ADAMTSL1: variants seen among roughly 807,000 people sequenced by gnomAD.
ADAMTSL1 encodes the protein ADAMTS like 1.
In ADAMTSL1, 126 loss-of-function variants were observed where a neutral mutation model predicts 201.8. That is an observed-to-expected ratio of 0.62 (90% CI 0.54 to 0.72). The LOEUF (loss-of-function observed/expected upper bound fraction) is 0.72. Among genes scored for constraint, ADAMTSL1 ranks in the 30% least tolerant of loss-of-function variants. The pLI, the probability that ADAMTSL1 is intolerant of heterozygous loss-of-function variation, is 0.00. For missense variants in ADAMTSL1, 2,679 were observed against 2,277.8 expected (o/e 1.18, Z -3.59); for synonymous variants, 1,121 against 903.4 (o/e 1.24, Z -4.32).
chr9:18,352,106 G>A (rs960089791), intron 2 of ADAMTSL1, among the ~76,000 whole-genome samples: 3 of 151,904 alleles, frequency 2.0e-5, no homozygotes, highest in South Asian at 2.1e-4. Context: ...TAAAATAGAT[G>A]TATTCTTTGT....
chr9:18,117,034 C>G (rs1167196435), intron 1 of ADAMTSL1, among the ~76,000 whole-genome samples: 1 of 152,136 alleles, frequency 6.6e-6, no homozygotes, highest in Non-Finnish European at 1.5e-5. Context: ...TTTTCTCATA[C>G]ACCTCATCCA....
chr9:17,985,850 C>T (rs2131481376), intron 1 of ADAMTSL1, among the ~76,000 whole-genome samples: 1 of 152,204 alleles, frequency 6.6e-6, no homozygotes, highest in East Asian at 1.9e-4. Flanking sequence ...TAGGCACAAA[C>T]CTCCTCATTT....
intron 2 of ADAMTSL1, among the ~76,000 whole-genome samples, chr9:18,507,792 T>C (rs1319716712): frequency 6.6e-6 from 1 of 152,206 alleles, no homozygotes; most frequent in Non-Finnish European, 1.5e-5. Flanking sequence ...TGACAGCTTC[T>C]GTTGCAGAGA....
chr9:18,781,300 AAC>A (rs1821380658), intron 19 of ADAMTSL1, among the ~76,000 whole-genome samples: 1 of 152,204 alleles, frequency 6.6e-6, no homozygotes, highest in Admixed American at 6.5e-5. Flanking sequence ...GGCAGGAACA[AAC>A]AGTTTTTGCT....
intron 2 of ADAMTSL1, among the ~76,000 whole-genome samples, chr9:18,407,904 G>T (rs764645454): frequency 1.3e-5 from 2 of 152,144 alleles, no homozygotes; most frequent in Non-Finnish European, 2.9e-5. Flanking sequence ...AACCTTATGG[G>T]GATGTAACTA....
intron 17 of ADAMTSL1, among the ~76,000 whole-genome samples, chr9:18,772,836 A>G (rs1049318419): frequency 1.3e-5 from 2 of 152,182 alleles, no homozygotes; most frequent in African/African-American, 4.8e-5. Context: ...GTCTTCCTCA[A>G]GAGGAAGTTC....
intron 2 of ADAMTSL1, among the ~76,000 whole-genome samples, chr9:18,203,366 A>G (rs1036642135): frequency 1.4e-4 from 22 of 151,974 alleles, no homozygotes; most frequent in African/African-American, 5.3e-4. Flanking sequence ...AAAATGGAAA[A>G]GTTGATTTGA....
chr9:18,132,242 C>T (rs183209928), intron 1 of ADAMTSL1, among the ~76,000 whole-genome samples: 24 of 152,276 alleles, frequency 1.6e-4, no homozygotes, highest in Admixed American at 1.1e-3. Context: ...TCTTTTCCTT[C>T]ATCTCCTACA....
chr9:18,320,879 T>A (rs912630513), intron 2 of ADAMTSL1, among the ~76,000 whole-genome samples: 5 of 152,032 alleles, frequency 3.3e-5, no homozygotes, highest in African/African-American at 1.2e-4. Flanking sequence ...ATGGAGTATT[T>A]TTTAAAATGT....
At chr9:18,742,327 G>T (rs1284182231) in intron 15 of ADAMTSL1, among the ~76,000 whole-genome samples, 1 of 152,196 alleles carries the variant, frequency 6.6e-6, no homozygotes, top group Non-Finnish European at 1.5e-5. Flanking sequence ...TTTATAGCCT[G>T]ATTGGATGAA....
At chr9:18,652,466 A>G (rs1025535156) in intron 7 of ADAMTSL1, among the ~76,000 whole-genome samples, 1 of 152,100 alleles carries the variant, frequency 6.6e-6, no homozygotes, top group Non-Finnish European at 1.5e-5. Context: ...CTCTACTTAC[A>G]ATAACCAACA....
chr9:18,244,385 A>T (rs977486922), intron 2 of ADAMTSL1, among the ~76,000 whole-genome samples: 1 of 151,982 alleles, frequency 6.6e-6, no homozygotes, highest in East Asian at 1.9e-4. Flanking sequence ...TGTCTACTAC[A>T]TTAAGGTATA....
intron 2 of ADAMTSL1, among the ~76,000 whole-genome samples, chr9:18,222,736 T>G (rs1292843787): frequency 6.6e-6 from 1 of 151,752 alleles, no homozygotes; most frequent in Non-Finnish European, 1.5e-5. Context: ...GTTTAGAAGT[T>G]TGTTTATTAT....
At chr9:18,244,908 C>T (rs1831202375) in intron 2 of ADAMTSL1, among the ~76,000 whole-genome samples, 1 of 152,144 alleles carries the variant, frequency 6.6e-6, no homozygotes, top group Non-Finnish European at 1.5e-5. Flanking sequence ...TCCTCGTAGT[C>T]GCTGGAGCAT....
chr9:18,907,179 A>G (rs1294980904), intron 28 of ADAMTSL1: 1 of 474,442 alleles, frequency 2.1e-6, no homozygotes, highest in Non-Finnish European at 3.8e-6. Flanking sequence ...TGCTGGAGGA[A>G]ATCAGCCTCC....
chr9:18,200,663 G>A (rs1199587317), intron 2 of ADAMTSL1, among the ~76,000 whole-genome samples: 2 of 151,882 alleles, frequency 1.3e-5, no homozygotes, highest in African/African-American at 4.8e-5. Context: ...GAAACCTTGT[G>A]ACGTATAAAG....
At chr9:18,524,346 A>G (rs930497584) in intron 2 of ADAMTSL1, among the ~76,000 whole-genome samples, 4 of 152,174 alleles carry the variant, frequency 2.6e-5, no homozygotes, top group African/African-American at 9.7e-5. Context: ...TTGGGCTGAG[A>G]CAGTGGGGTT....
At chr9:17,955,524 C>G (rs1257152333) in intron 1 of ADAMTSL1, among the ~76,000 whole-genome samples, 1 of 152,182 alleles carries the variant, frequency 6.6e-6, no homozygotes, top group African/African-American at 2.4e-5. Flanking sequence ...TGGTCCAAAA[C>G]ATTAAGTGAC....
intron 14 of ADAMTSL1, among the ~76,000 whole-genome samples, chr9:18,708,426 T>A (rs1023152813): frequency 6.6e-6 from 1 of 152,218 alleles, no homozygotes; most frequent in African/African-American, 2.4e-5. Flanking sequence ...TTCTTCCAAA[T>A]GATTCCGGAA....
Sources: allele counts gnomAD v4.1 joint callset (sites outside exome capture counted in the v4.1 genomes callset), GRCh38; gene constraint gnomAD v4.1.1; transcripts MANE v1.5; gene names NCBI Gene and HGNC (gene_info 2026-07-23, HGNC 2026-07-21).